Variants in BPIFB6 observed in about 807,000 individuals in gnomAD.
BPIFB6 encodes BPI fold-containing family B member 6.
Under a neutral mutation model 54.7 loss-of-function variants are expected in BPIFB6, and 47 were observed. That is an observed-to-expected ratio of 0.86 (90% CI 0.68 to 1.10). The LOEUF is 1.10. Ranked by LOEUF, BPIFB6 falls within the 50% of genes least tolerant of loss-of-function variation. BPIFB6 has a pLI of 0.00. For missense variants in BPIFB6, 603 were observed against 564.1 expected (o/e 1.07, Z -0.70); for synonymous variants, 255 against 225.9 (o/e 1.13, Z -1.16).
intron 3 of BPIFB6, among the ~76,000 whole-genome samples, chr20:33,034,518 G>A (rs1043725816): frequency 2.6e-5 from 4 of 152,186 alleles, no homozygotes; most frequent in Non-Finnish European, 2.9e-5. Context: ...GGTCAGAAAA[G>A]GTTATGGGGA....
rs539702956 is a variant in BPIFB6, at chr20:33,042,895, G to T, written c.1252+17G>T. On this transcript the variant is annotated intron_variant, in intron 13 of 14. Transcript: ENST00000349552. ...TTGTCAATGGTGAGGGTTCCAAAAGGCTTTGGACCATGGTGCCAAGAAGCA... is the reference window on the plus strand; with the variant it reads ...TTGTCAATGGTGAGGGTTCCAAAAGTCTTTGGACCATGGTGCCAAGAAGCA... 4.2e-5 allele frequency: 68 copies of T among 1,612,184 alleles called. 1 individual carries two copies. In the East Asian group the frequency reaches 4.2e-4, roughly 10 times the overall value.
intron 3 of BPIFB6, 148 bp downstream of exon 3, chr20:33,034,438 A>G: frequency 1.5e-6 from 1 of 686,516 alleles, no homozygotes; most frequent in Non-Finnish European, 2.6e-6. Context: ...GTCAGGAACC[A>G]GACCTAAGCA....
At chr20:33,043,203 C>T in intron 13 of BPIFB6, 88 bp from the exon 14 acceptor site, 3 of 1,160,568 alleles carry the variant, frequency 2.6e-6, no homozygotes, top group East Asian at 4.7e-5. Flanking sequence ...AATCACTGCA[C>T]TATTTCCCAC....
intron 8 of BPIFB6, among the ~76,000 whole-genome samples, chr20:33,038,008 C>T (rs1178940077): frequency 6.6e-6 from 1 of 152,150 alleles, no homozygotes; most frequent in Non-Finnish European, 1.5e-5. Flanking sequence ...ATCCATCCAC[C>T]TTCCTTTTGT....
intron 5 of BPIFB6, 147 bp downstream of exon 5, chr20:33,035,291 A>G: frequency 1.2e-6 from 1 of 820,464 alleles, no homozygotes; most frequent in Non-Finnish European, 1.9e-6. Context: ...CAGTGGAAGA[A>G]AGTGCCACAA....
intron 12 of BPIFB6, 104 bp from the exon 13 acceptor site, chr20:33,042,711 A>G: frequency 1.9e-6 from 2 of 1,075,966 alleles, no homozygotes; most frequent in Non-Finnish European, 2.8e-6. Flanking sequence ...GATGTCTAAT[A>G]TTCACTTCTG....
At chr20:33,043,222 C>A in intron 13 of BPIFB6, 69 bp from the exon 14 acceptor site, 1 of 1,373,882 alleles carries the variant, frequency 7.3e-7, no homozygotes, top group Non-Finnish European at 1.0e-6. Flanking sequence ...ACTATCCCTA[C>A]CCCAGGCTGC....
intron 10 of BPIFB6, 132 bp from the exon 11 acceptor site, chr20:33,040,119 T>C (rs2146367665): frequency 3.8e-6 from 3 of 795,400 alleles, no homozygotes; most frequent in Non-Finnish European, 4.2e-6. Flanking sequence ...TTCCTGAGGA[T>C]GGGCAGAGAG....
intron 1 of BPIFB6, 38 bp downstream of exon 1, chr20:33,031,782 C>T (rs375188339): frequency 7.0e-6 from 11 of 1,576,382 alleles, no homozygotes; most frequent in African/African-American, 1.3e-5. Context: ...AGCTGGGAGG[C>T]GGTGCTTGGG....
rs11907355 is a variant in BPIFB6 at position 33,034,905 on chromosome 20, C to T, written c.445C>T (p.Pro149Ser). 1.2e-6 allele frequency: 2 copies of T among 1,608,942 alleles called. No homozygotes were observed. The highest frequency in any genetic ancestry group is 1.3e-5 in the African/African-American group (1 of 74,876). Residue 149 changes from proline (P) to serine (S), a missense_variant, in exon 4 of 15, where the codon CCT becomes TCT. By Grantham distance (74) the Pro-to-Ser change is moderately conservative. Transcript: ENST00000349552. ...CCTGGTCAATGTGAAGACTAACCTGCCTAGCAAGTGAGGGGCTCTGTGGCT... is the reference window on the plus strand; with the variant it reads ...CCTGGTCAATGTGAAGACTAACCTGTCTAGCAAGTGAGGGGCTCTGTGGCT... Reference protein sequence around the residue: ...VILVNVKTNLPSNMLPKMVNK... With the variant: ...VILVNVKTNLSSNMLPKMVNK...
At position 33,044,004 on chromosome 20, in the gene BPIFB6, C is replaced by G; in HGVS notation, c.1330-11C>G. ...TGGTCATTGCTCTCCTACCCCTTTG[C>G]CTTTTGCCAGAATGCCCTGATGCTG... On this transcript the variant is annotated splice_polypyrimidine_tract_variant and intron_variant, in intron 14 of 14. Transcript: ENST00000349552. 1.2e-6 allele frequency: 2 copies of G among 1,614,176 alleles called. No homozygotes were observed. The highest frequency in any genetic ancestry group is 1.7e-6 in the Non-Finnish European group (2 of 1,180,030).
intron 2 of BPIFB6, chr20:33,033,593 G>A (rs1395771225): frequency 2.2e-6 from 1 of 456,772 alleles, no homozygotes; most frequent in African/African-American, 2.0e-5. Flanking sequence ...TCTGCCAAGA[G>A]CTCAGGATGG....
At position 33,034,815 on chromosome 20, in the gene BPIFB6, A is replaced by C. The variant is rs780212362; in HGVS notation, c.355A>C (p.Asn119His). The C allele has an allele frequency of 6.2e-7, 1 of 1,613,942 alleles. No homozygotes were observed. Among genetic ancestry groups the C allele is most frequent in the Non-Finnish European group, 8.5e-7 (1 of 1,179,896 alleles). ...CGTGGCCCTGAACATCACAGCCACC[A>C]ACCGGCTTCTGCGGGATGAGGAGAC... is the stretch of plus-strand genomic sequence containing the variant. Reference protein sequence around the residue: ...IIVALNITATNRLLRDEETGL... With the variant: ...IIVALNITATHRLLRDEETGL... The change falls in exon 4 of 15, where the codon AAC becomes CAC. Residue 119 changes from asparagine (N) to histidine (H), a missense_variant. Transcript: ENST00000349552.
At chr20:33,039,018 A>C (rs1308903031) in intron 9 of BPIFB6, 56 bp downstream of exon 9, 1 of 1,578,030 alleles carries the variant, frequency 6.3e-7, no homozygotes, top group East Asian at 2.2e-5. Flanking sequence ...ATTGTCCTCC[A>C]GTCTGTCCTG....
intron 8 of BPIFB6, among the ~76,000 whole-genome samples, chr20:33,038,697 G>A (rs1979447324): frequency 6.6e-6 from 1 of 152,052 alleles, no homozygotes; most frequent in Non-Finnish European, 1.5e-5. Flanking sequence ...CATTTTCTTA[G>A]CATTTGACCT....
chr20:33,035,567 C>T (rs756167883), intron 5 of BPIFB6, 45 bp from the exon 6 acceptor site: 57 of 1,601,316 alleles, frequency 3.6e-5, no homozygotes, highest in Non-Finnish European at 4.4e-5. Context: ...TGTGGAGGCT[C>T]TCCATGCAGG....
rs141794458 is a variant in BPIFB6 at position 33,038,942 on chromosome 20, C to G, written c.880C>G (p.Leu294Val). ...GCTGCCCCCACAAACCACCAAGACC[C>G]TGGCTCGCTTCATTCCTGAAGTGAG... Reference protein sequence around the residue: ...GELPPQTTKTLARFIPEVAVA... With the variant: ...GELPPQTTKTVARFIPEVAVA... The change falls in exon 9 of 15, where the codon CTG (leucine) becomes GTG (valine). Residue 294 changes from leucine to valine, a missense_variant. Physicochemically the swap from Leu to Val is conservative, Grantham distance 32. Transcript: ENST00000349552. 1 of 1,614,110 alleles carries G rather than the reference C, an allele frequency of 6.2e-7. No homozygotes were observed. Among genetic ancestry groups the G allele is most frequent in the Non-Finnish European group, 8.5e-7 (1 of 1,180,024 alleles).
chr20:33,041,495 T>C (rs1355906480), intron 11 of BPIFB6, among the ~76,000 whole-genome samples: 1 of 152,142 alleles, frequency 6.6e-6, no homozygotes, highest in African/African-American at 2.4e-5. Context: ...AAATGGAGGA[T>C]GTGTTACTGG....
chr20:33,043,063 G>C (rs1979658607), intron 13 of BPIFB6, among the ~76,000 whole-genome samples, 185 bp downstream of exon 13: 2 of 152,202 alleles, frequency 1.3e-5, no homozygotes, highest in African/African-American at 4.8e-5. Context: ...GAAGACAAAT[G>C]CCTCTCCCAC....
Sources: allele counts gnomAD v4.1 joint callset (sites outside exome capture counted in the v4.1 genomes callset), GRCh38; gene constraint gnomAD v4.1.1; transcripts MANE v1.5; gene names NCBI Gene and HGNC (gene_info 2026-07-23, HGNC 2026-07-21).